TAF13: variants seen among roughly 807,000 people sequenced by gnomAD.
TAF13 encodes TATA-box binding protein associated factor 13.
In TAF13, 9 loss-of-function variants were observed where a neutral mutation model predicts 18.7. That is an observed-to-expected ratio of 0.48 (90% CI 0.29 to 0.84). TAF13 has a LOEUF of 0.84. TAF13 is among the 40% of genes least tolerant of loss of function. The probability of loss-of-function intolerance (pLI) is 0.08; values close to 1 mark genes in which losing one functional copy is unlikely to be tolerated. For synonymous variants in TAF13, 49 were observed against 44.1 expected (o/e 1.11, Z -0.44); for missense variants, 105 against 146.5 (o/e 0.72, Z 1.46).
At position 109,064,660 on chromosome 1, in the gene TAF13, GA is replaced by G; in HGVS notation, c.237del (p.Arg80GlufsTer10). On this transcript the variant is annotated frameshift_variant, in exon 4 of 4. Coordinates refer to ENST00000338366, the MANE Select transcript of TAF13 (RefSeq NM_005645.4). LOFTEE classifies it high-confidence loss of function. ...AAGACGATATCTTCAACTTGTACTC[GA>G]CCTTGTCTTCCAATTGACATTGCCT... Reference protein sequence around the residue: ...THKAMSIGRQGRVQVEDIVFL... With the variant: ...THKAMSIGRQXRVQVEDIVFL... 1 of 1,540,662 alleles carries G rather than the reference GA, an allele frequency of 6.5e-7. No homozygotes were observed.
Position 109,066,248 on chromosome 1 carries a change from C to T in TAF13, c.107-16G>A, listed in dbSNP as rs758270940. Reference sequence around the variant, plus strand: ...ATACATCGCACTGTAAAAGAACAATCACTTACTTTTGTTTACTTTTACAGA... The same window carrying T: ...ATACATCGCACTGTAAAAGAACAATTACTTACTTTTGTTTACTTTTACAGA... On this transcript the variant is annotated splice_polypyrimidine_tract_variant and intron_variant, in intron 2 of 3. Coordinates refer to ENST00000338366, the MANE Select transcript of TAF13 (RefSeq NM_005645.4). The T allele has an allele frequency of 6.4e-7, 1 of 1,560,972 alleles. No individual in the cohort carries two copies. Among genetic ancestry groups the T allele is most frequent in the South Asian group, 1.2e-5 (1 of 83,254 alleles).
intron 2 of TAF13, among the ~76,000 whole-genome samples, chr1:109,070,396 T>G (rs1664028574): frequency 6.6e-6 from 1 of 152,102 alleles, no homozygotes; most frequent in Admixed American, 6.5e-5. Flanking sequence ...TTTTTCTATT[T>G]TTAGTAGAGA....
rs540298313 is a variant in TAF13, at chr1:109,073,413, G to C, written c.106+1574C>G. 1.1e-4 allele frequency among the ~76,000 whole-genome samples: 17 copies of C among 151,968 alleles called. No homozygotes were observed. In the South Asian group the frequency reaches 2.5e-3, roughly 22 times the overall value. On this transcript the variant is annotated intron_variant, in intron 2 of 3. Coordinates refer to ENST00000338366, the MANE Select transcript of TAF13 (RefSeq NM_005645.4). ...AAAGCTCTCCCTCCCCCTCCCCCTCGTCTGCGTCTCCCGCTTTCCACCGTC... is the reference window on the plus strand; with the variant it reads ...AAAGCTCTCCCTCCCCCTCCCCCTCCTCTGCGTCTCCCGCTTTCCACCGTC...
intron 2 of TAF13, among the ~76,000 whole-genome samples, chr1:109,072,006 A>ATG: frequency 9.1e-4 from 2 of 2,206 alleles, no homozygotes; most frequent in African/African-American, 1.8e-3. Flanking sequence ...ATATATATAT[A>ATG]TATATATACA....
At chr1:109,069,573 A>T (rs1664015820) in intron 2 of TAF13, among the ~76,000 whole-genome samples, 1 of 152,150 alleles carries the variant, frequency 6.6e-6, no homozygotes, top group Non-Finnish European at 1.5e-5. Flanking sequence ...CCGACTGTAT[A>T]GCATACATAA....
rs1195173002 is a variant in TAF13 at position 109,064,406 on chromosome 1, C to G, written c.*117G>C. 5.0e-5 allele frequency: 50 copies of G among 1,003,100 alleles called. No individual in the cohort carries two copies. The South Asian group carries it at 1.6e-3, about 32-fold the overall frequency. 62.1% of individuals were successfully genotyped at this position (1,003,100 alleles called of 1,614,324 possible). A position where few individuals can be genotyped will look rare whatever the true frequency, so the allele number is the denominator to read the frequency against. On this transcript the variant is annotated 3_prime_UTR_variant, in exon 4 of 4. Transcript: ENST00000338366. ...AAGGCATAAAAATAAAGGCTGAAAACTTTGTGTTTCTCCATCTTTCATTTA... is the reference window on the plus strand; with the variant it reads ...AAGGCATAAAAATAAAGGCTGAAAAGTTTGTGTTTCTCCATCTTTCATTTA...
intron 2 of TAF13, among the ~76,000 whole-genome samples, chr1:109,072,608 C>T (rs1217577123): frequency 6.6e-6 from 1 of 151,800 alleles, no homozygotes; most frequent in African/African-American, 2.4e-5. Flanking sequence ...CCATGCCCTG[C>T]TAATTTTTGT....
chr1:109,064,372 C>T lies in TAF13; in HGVS notation c.*151G>A, dbSNP rs948100755. The T allele has an allele frequency of 2.2e-5, 14 of 642,948 alleles. No homozygotes were observed. The African/African-American group carries it at 2.7e-4, about 12-fold the overall frequency. The allele number at this position is 642,948 out of a possible 1,614,324, so 39.8% of individuals were successfully genotyped here. On this transcript the variant is annotated 3_prime_UTR_variant, in exon 4 of 4. Transcript: ENST00000338366. ...GGCAATTACATGCACCAATATCACCCTAAAATCAAAGGCATAAAAATAAAG... is the reference window on the plus strand; with the variant it reads ...GGCAATTACATGCACCAATATCACCTTAAAATCAAAGGCATAAAAATAAAG...
intron 2 of TAF13, among the ~76,000 whole-genome samples, chr1:109,072,051 CATATATATATATATATATATATAT>C (rs1216801737): frequency 8.4e-4 from 4 of 4,742 alleles, no homozygotes; most frequent in South Asian, 8.1e-3. Flanking sequence ...TATACACACA[CATATATATATATATATATATATAT>C]ACACACACAT....
chr1:109,067,296 T>TA (rs1304127746), intron 2 of TAF13, among the ~76,000 whole-genome samples: 3 of 151,514 alleles, frequency 2.0e-5, no homozygotes, highest in Admixed American at 6.6e-5. Context: ...TGTCTCTACA[T>TA]AAAAAACAAA....
intron 2 of TAF13, among the ~76,000 whole-genome samples, chr1:109,067,601 C>T (rs1171920479): frequency 6.6e-6 from 1 of 152,038 alleles, no homozygotes; most frequent in Admixed American, 6.6e-5. Flanking sequence ...CAGAGGGAGG[C>T]TGTGTCTCAA....
intron 3 of TAF13, 61 bp from the exon 4 acceptor site, chr1:109,064,754 T>C: frequency 7.6e-7 from 1 of 1,320,622 alleles, no homozygotes; most frequent in Non-Finnish European, 9.8e-7. Flanking sequence ...CTGTTTTAAT[T>C]TGCATTTATT....
intron 2 of TAF13, among the ~76,000 whole-genome samples, chr1:109,073,627 G>A (rs1354940371): frequency 2.0e-5 from 3 of 152,292 alleles, no homozygotes; most frequent in African/African-American, 4.8e-5. Flanking sequence ...TCGGCCTCCC[G>A]AGGTGCCGGG....
chr1:109,069,035 T>A (rs1664000841), intron 2 of TAF13, among the ~76,000 whole-genome samples: 1 of 152,180 alleles, frequency 6.6e-6, no homozygotes, highest in African/African-American at 2.4e-5. Flanking sequence ...GAGACTACCC[T>A]GAAATCATAC....
chr1:109,065,956 T>C (rs1470835029), intron 3 of TAF13, among the ~76,000 whole-genome samples, 179 bp downstream of exon 3: 1 of 149,306 alleles, frequency 6.7e-6, no homozygotes, highest in Non-Finnish European at 1.5e-5. Flanking sequence ...GAAGGGGGGA[T>C]AGAATATACA....
At chr1:109,066,305 T>C in intron 2 of TAF13, 73 bp from the exon 3 acceptor site, 1 of 1,232,572 alleles carries the variant, frequency 8.1e-7, no homozygotes. Flanking sequence ...AAAAATAAAG[T>C]AGAAATGAAC....
rs1406680288 is a variant in TAF13 at position 109,066,245 on chromosome 1, A to G, written c.107-13T>C. ...ATCATACATCGCACTGTAAAAGAACAATCACTTACTTTTGTTTACTTTTAC... is the reference window on the plus strand; with the variant it reads ...ATCATACATCGCACTGTAAAAGAACGATCACTTACTTTTGTTTACTTTTAC... On this transcript the variant is annotated splice_polypyrimidine_tract_variant and intron_variant, in intron 2 of 3. Coordinates refer to ENST00000338366, the MANE Select transcript of TAF13 (RefSeq NM_005645.4). The G allele has an allele frequency of 1.3e-6, 2 of 1,566,238 alleles. No homozygotes were observed. The highest frequency in any genetic ancestry group is 8.6e-7 in the Non-Finnish European group (1 of 1,157,956).
intron 2 of TAF13, among the ~76,000 whole-genome samples, chr1:109,070,116 TTC>T (rs1664023202): frequency 1.3e-5 from 2 of 152,240 alleles, no homozygotes; most frequent in African/African-American, 4.8e-5. Context: ...AATGTCCTTT[TTC>T]TGTTTCAGGT....
intron 1 of TAF13, 72 bp downstream of exon 1, chr1:109,075,849 T>G (rs1664168559): frequency 2.5e-6 from 4 of 1,606,050 alleles, no homozygotes; most frequent in Non-Finnish European, 3.4e-6. Context: ...GACCCGATCC[T>G]GAACTCTGCC....
Sources: allele counts gnomAD v4.1 joint callset (sites outside exome capture counted in the v4.1 genomes callset), GRCh38; gene constraint gnomAD v4.1.1; transcripts MANE v1.5; gene names NCBI Gene and HGNC (gene_info 2026-07-23, HGNC 2026-07-21).